The following ASIC2 variants were observed in gnomAD, a reference collection of about 807,000 sequenced individuals.
ASIC2 encodes the protein acid-sensing ion channel 2.
ASIC2 carries 25 observed loss-of-function variants against 57.3 expected under a neutral mutation model. The observed-to-expected ratio is 0.44, with a 90% CI of 0.32 to 0.61. The LOEUF is 0.61. ASIC2 is among the 20% of genes least tolerant of loss of function. The pLI, the probability that ASIC2 is intolerant of heterozygous loss-of-function variation, is 0.06. For synonymous variants in ASIC2, 319 were observed against 307.5 expected (o/e 1.04, Z -0.39); for missense variants, 641 against 738.1 (o/e 0.87, Z 1.52).
intron 1 of ASIC2, among the ~76,000 whole-genome samples, chr17:33,377,081 T>C (rs1909306192): frequency 6.6e-6 from 1 of 152,086 alleles, no homozygotes; most frequent in African/African-American, 2.4e-5. Context: ...GATGGAGTCA[T>C]GCTCTGTAAC....
chr17:33,325,614 T>C (rs1382782898), intron 1 of ASIC2, among the ~76,000 whole-genome samples: 1 of 152,060 alleles, frequency 6.6e-6, no homozygotes, highest in Non-Finnish European at 1.5e-5. Context: ...GAGTGATGGG[T>C]GGCGATTTAA....
chr17:33,815,925 C>T (rs1295483650), intron 1 of ASIC2, among the ~76,000 whole-genome samples: 2 of 152,092 alleles, frequency 1.3e-5, no homozygotes, highest in South Asian at 4.1e-4. Flanking sequence ...AAATCCAGGG[C>T]TAGTATCACA....
At chr17:33,790,043 A>G (rs1030303434) in intron 1 of ASIC2, among the ~76,000 whole-genome samples, 1 of 152,276 alleles carries the variant, frequency 6.6e-6, no homozygotes, top group African/African-American at 2.4e-5. Context: ...GGAAAGTTGT[A>G]TAATGAAGAC....
intron 1 of ASIC2, among the ~76,000 whole-genome samples, chr17:33,830,613 G>C (rs76808062): frequency 0.13 from 19,151 of 151,812 alleles, 1,377 homozygotes; most frequent in Admixed American, 0.16. Context: ...TTGTTACATA[G>C]GTATACATGG....
Position 33,215,906 on chromosome 17 carries a change from A to C in ASIC2, c.708+75502T>G, listed in dbSNP as rs1351230499. 2.6e-5 allele frequency among the ~76,000 whole-genome samples: 4 copies of C among 152,198 alleles called. No individual in the cohort carries two copies. In the East Asian group the frequency reaches 5.8e-4, roughly 22 times the overall value. On this transcript the variant is annotated intron_variant, in intron 1 of 9. Coordinates refer to ENST00000225823, the MANE Select transcript of ASIC2 (RefSeq NM_183377.2). The stretch of plus-strand genomic sequence containing the variant: ...AGTAGAGACGGGGTTTCACCGTGTT[A>C]GCCAGGATGGTCTTGATCTCCTGAC...
At chr17:34,084,781 G>A (rs1183747464) in intron 1 of ASIC2, among the ~76,000 whole-genome samples, 5 of 152,072 alleles carry the variant, frequency 3.3e-5, no homozygotes, top group Non-Finnish European at 7.4e-5. Context: ...TGGATTCCTA[G>A]GTATTTTATT....
chr17:33,775,241 CAG>C (rs1911231401), intron 1 of ASIC2, among the ~76,000 whole-genome samples: 1 of 152,158 alleles, frequency 6.6e-6, no homozygotes, highest in Non-Finnish European at 1.5e-5. Context: ...AATTGGGAAA[CAG>C]AGTTCCAGTG....
At chr17:33,037,611 C>T (rs1347504022) in intron 3 of ASIC2, among the ~76,000 whole-genome samples, 1 of 151,956 alleles carries the variant, frequency 6.6e-6, no homozygotes, top group Non-Finnish European at 1.5e-5. Context: ...TCAGGAGGAC[C>T]CTGAAGCACC....
intron 3 of ASIC2, among the ~76,000 whole-genome samples, chr17:33,032,920 C>CT (rs75346575): frequency 0.016 from 2,364 of 148,060 alleles, 44 homozygotes; most frequent in Middle Eastern, 0.06. Context: ...TCTCTTTTAA[C>CT]TTTTTTTTTT....
rs894975282 is a variant in ASIC2, at chr17:33,977,713, G to A, written c.555+178265C>T. 2.6e-5 allele frequency among the ~76,000 whole-genome samples: 4 copies of A among 152,252 alleles called. No individual in the cohort carries two copies. The Middle Eastern group carries it at 0.01, about 388-fold the overall frequency. On this transcript the variant is annotated intron_variant, in intron 1 of 9. Coordinates refer to the ASIC2 transcript ENST00000359872. ...TTCCCCTTCCCTCTGGCCCCAAAGA[G>A]AAGGTTTTGATGTCTGTCGATTCTA...
At chr17:33,187,933 AG>A (rs1567777989) in intron 1 of ASIC2, among the ~76,000 whole-genome samples, 1 of 151,518 alleles carries the variant, frequency 6.6e-6, no homozygotes, top group African/African-American at 2.4e-5. Flanking sequence ...AAAAGAAAAA[AG>A]AAAAAAAAGA....
At chr17:33,229,316 T>C (rs940976726) in intron 1 of ASIC2, among the ~76,000 whole-genome samples, 1 of 152,186 alleles carries the variant, frequency 6.6e-6, no homozygotes, top group Non-Finnish European at 1.5e-5. Flanking sequence ...CATTCATTTG[T>C]GTATTTATTC....
Position 33,013,809 on chromosome 17 carries a change from C to T in ASIC2, c.*156G>A, listed in dbSNP as rs568010616. ...AAGGATGCGTCGTGTTGGACGTGGCCGGAGCGAGGTCTAGGCAGCTAGTCT... is the reference window on the plus strand; with the variant it reads ...AAGGATGCGTCGTGTTGGACGTGGCTGGAGCGAGGTCTAGGCAGCTAGTCT... On this transcript the variant is annotated 3_prime_UTR_variant, in exon 10 of 10. Transcript: ENST00000225823. The T allele has an allele frequency of 1.8e-5, 12 of 674,668 alleles. No individual in the cohort carries two copies. Among genetic ancestry groups the T allele is most frequent in the African/African-American group, 1.3e-4 (7 of 55,498 alleles). 41.8% of individuals were successfully genotyped at this position (674,668 alleles called of 1,614,324 possible). A position where few individuals can be genotyped will look rare whatever the true frequency, so the allele number is the denominator to read the frequency against.
intron 1 of ASIC2, among the ~76,000 whole-genome samples, chr17:33,636,038 A>G (rs960597441): frequency 5.9e-5 from 9 of 152,250 alleles, no homozygotes; most frequent in African/African-American, 2.2e-4. Context: ...ATGCCCATGA[A>G]ATGTTGTTTA....
intron 1 of ASIC2, among the ~76,000 whole-genome samples, chr17:34,086,359 T>C (rs1910112399): frequency 6.6e-6 from 1 of 152,252 alleles, no homozygotes; most frequent in African/African-American, 2.4e-5. Context: ...TTGAGTGAGT[T>C]TCTTAATCCT....
At chr17:33,840,714 G>A (rs1335228060) in intron 1 of ASIC2, among the ~76,000 whole-genome samples, 1 of 151,782 alleles carries the variant, frequency 6.6e-6, no homozygotes, top group East Asian at 1.9e-4. Flanking sequence ...GTCCTGTGTT[G>A]TAAGAAATAG....
chr17:33,125,436 G>A (rs762707556), intron 1 of ASIC2, among the ~76,000 whole-genome samples: 1 of 152,168 alleles, frequency 6.6e-6, no homozygotes, highest in East Asian at 1.9e-4. Flanking sequence ...TTGTGCCACA[G>A]TTCCTTGAAT....
At position 33,258,847 on chromosome 17, in the gene ASIC2, A is replaced by T. The variant is rs1909177530; in HGVS notation, c.708+32561T>A. On this transcript the variant is annotated intron_variant, in intron 1 of 9. Transcript: ENST00000225823. ...CCAAGACCATCTGGCTTCAAGGCAT[A>T]TGCTCCTAACCACTAGGATACATTG... Among the ~76,000 whole-genome samples the T allele has an allele frequency of 1.3e-5, 2 of 152,242 alleles. 1 individual carries two copies. The highest frequency in any genetic ancestry group is 4.1e-4 in the South Asian group (2 of 4,834).
chr17:33,277,951 C>T (rs1904772764), intron 1 of ASIC2, among the ~76,000 whole-genome samples: 2 of 152,150 alleles, frequency 1.3e-5, no homozygotes, highest in African/African-American at 2.4e-5. Flanking sequence ...ACCCACAGTA[C>T]AAAGAACAAG....
Sources: allele counts gnomAD v4.1 joint callset (sites outside exome capture counted in the v4.1 genomes callset), GRCh38; gene constraint gnomAD v4.1.1; transcripts MANE v1.5; gene names NCBI Gene and HGNC (gene_info 2026-07-23, HGNC 2026-07-21).